The following DLGAP2 variants were observed in gnomAD, a reference collection of about 807,000 sequenced individuals.
DLGAP2 encodes the protein DLG associated protein 2.
DLGAP2 carries 26 observed loss-of-function variants against 100.3 expected under a neutral mutation model. The ratio of observed to expected loss-of-function variants is 0.26; its 90% CI spans 0.19 to 0.36. The LOEUF (loss-of-function observed/expected upper bound fraction) is 0.36, where lower values mean the gene tolerates loss of function less well. Ranked by LOEUF, DLGAP2 falls within the 10% of genes least tolerant of loss-of-function variation. The pLI is 1.00. For synonymous variants in DLGAP2, 886 were observed against 630.1 expected (o/e 1.41, Z -6.08); for missense variants, 1,858 against 1,453.2 (o/e 1.28, Z -4.53).
chr8:812,017 G>A (rs1167054280), intron 1 of DLGAP2, among the ~76,000 whole-genome samples: 3 of 152,216 alleles, frequency 2.0e-5, no homozygotes, highest in Admixed American at 6.5e-5. Flanking sequence ...TGAGGCTTCC[G>A]GACTTCTGCC....
intron 2 of DLGAP2, among the ~76,000 whole-genome samples, chr8:990,322 C>T (rs1279838319): frequency 1.3e-4 from 19 of 143,784 alleles, no homozygotes; most frequent in Admixed American, 4.8e-4. Context: ...CCCCCTGCAC[C>T]CCCATACTCG....
At chr8:1,637,354 G>A (rs920864631) in intron 8 of DLGAP2, among the ~76,000 whole-genome samples, 2 of 151,994 alleles carry the variant, frequency 1.3e-5, no homozygotes, top group Admixed American at 6.6e-5. Flanking sequence ...CTCCAAACAC[G>A]TCTTCTCCTT....
At chr8:1,303,857 G>A (rs1216734802) in intron 3 of DLGAP2, among the ~76,000 whole-genome samples, 1 of 152,214 alleles carries the variant, frequency 6.6e-6, no homozygotes, top group Non-Finnish European at 1.5e-5. Flanking sequence ...TGCAGGTCTG[G>A]ATGGCCTGCC....
intron 1 of DLGAP2, among the ~76,000 whole-genome samples, chr8:785,413 T>C (rs111885061): frequency 6.2e-4 from 74 of 120,014 alleles, no homozygotes; most frequent in East Asian, 1.9e-3. Flanking sequence ...TCCCCTCAGG[T>C]CTCTCTGAGA....
intron 3 of DLGAP2, among the ~76,000 whole-genome samples, chr8:1,438,501 C>A (rs1231755045): frequency 6.6e-6 from 1 of 152,052 alleles, no homozygotes; most frequent in Non-Finnish European, 1.5e-5. Flanking sequence ...AACCACCATA[C>A]GTATGTAAGT....
chr8:1,305,701 A>G lies in DLGAP2; in HGVS notation c.106+46818A>G, dbSNP rs553387049. On this transcript the variant is annotated intron_variant, in intron 3 of 14. Transcript: ENST00000637795. Reference sequence around the variant, plus strand: ...ATCAACCTGCTGGGACAAAAATTACACTGAAAACATACTGTGTACCACCTA... The same window carrying G: ...ATCAACCTGCTGGGACAAAAATTACGCTGAAAACATACTGTGTACCACCTA... 1.1e-3 allele frequency among the ~76,000 whole-genome samples: 167 copies of G among 152,290 alleles called. 1 individual carries two copies. Among genetic ancestry groups the G allele is most frequent in the Non-Finnish European group, 8.5e-4 (58 of 68,026 alleles).
At chr8:1,604,335 A>C (rs961260504) in intron 6 of DLGAP2, among the ~76,000 whole-genome samples, 7 of 152,206 alleles carry the variant, frequency 4.6e-5, no homozygotes, top group Admixed American at 3.9e-4. Flanking sequence ...GAAATGGACA[A>C]AATTCAGATT....
At chr8:804,547 G>T (rs1168837882) in intron 1 of DLGAP2, among the ~76,000 whole-genome samples, 1 of 152,192 alleles carries the variant, frequency 6.6e-6, no homozygotes, top group East Asian at 1.9e-4. Context: ...TTTGCTCTGT[G>T]TTCTCTAATT....
At chr8:1,148,731 CT>C (rs879856925) in intron 2 of DLGAP2, among the ~76,000 whole-genome samples, 3 of 152,064 alleles carry the variant, frequency 2.0e-5, no homozygotes, top group Admixed American at 2.0e-4. Context: ...TTCTAGTTAG[CT>C]TTTCATTATT....
chr8:1,116,493 C>T (rs1412460601), intron 2 of DLGAP2, among the ~76,000 whole-genome samples: 1 of 152,140 alleles, frequency 6.6e-6, no homozygotes, highest in Non-Finnish European at 1.5e-5. Context: ...ATTCACCTCA[C>T]ATTGAGAATG....
intron 2 of DLGAP2, among the ~76,000 whole-genome samples, chr8:1,080,521 C>A (rs969097633): frequency 1.3e-5 from 2 of 152,164 alleles, no homozygotes; most frequent in African/African-American, 2.4e-5. Context: ...ACTCATCAGG[C>A]GGAATAGGGA....
intron 2 of DLGAP2, among the ~76,000 whole-genome samples, chr8:1,121,219 C>G (rs1470179284): frequency 1.3e-5 from 2 of 150,194 alleles, no homozygotes; most frequent in Admixed American, 1.3e-4. Flanking sequence ...ACCTCCCATC[C>G]TTGTCCAGTT....
rs374210485 is a variant in DLGAP2, at chr8:863,363, T to A, written c.19-44549T>A. ...CATCACACAACAAATATTGATGACA[T>A]CCCAAATATTTAAGGTTAGCTGTCC... On this transcript the variant is annotated intron_variant, in intron 1 of 14. Transcript: ENST00000637795. Among the ~76,000 whole-genome samples, 44 of 152,296 alleles carry A rather than the reference T, an allele frequency of 2.9e-4. 1 individual carries two copies. The South Asian group carries it at 8.3e-3, about 29-fold the overall frequency.
intron 12 of DLGAP2, among the ~76,000 whole-genome samples, chr8:1,684,984 C>G (rs1378493110): frequency 6.6e-6 from 1 of 152,128 alleles, no homozygotes; most frequent in African/African-American, 2.4e-5. Flanking sequence ...GTCAGATGCA[C>G]ATTCAAGGCA....
chr8:1,649,969 A>G (rs1798126279), intron 8 of DLGAP2, among the ~76,000 whole-genome samples: 2 of 152,236 alleles, frequency 1.3e-5, no homozygotes, highest in African/African-American at 2.4e-5. Context: ...AAGGCAGCTG[A>G]AAGATCATGG....
chr8:815,375 C>T (rs114216798), intron 1 of DLGAP2, among the ~76,000 whole-genome samples: 1 of 152,158 alleles, frequency 6.6e-6, no homozygotes, highest in East Asian at 1.9e-4. Flanking sequence ...GGAGGCTTTG[C>T]CCTCATGACT....
At chr8:1,364,544 T>C (rs1271533021) in intron 3 of DLGAP2, among the ~76,000 whole-genome samples, 1 of 151,634 alleles carries the variant, frequency 6.6e-6, no homozygotes. Context: ...CCTGGAGGAC[T>C]GGGGCTGGCG....
At chr8:1,518,936 G>T (rs569466364) in intron 4 of DLGAP2, among the ~76,000 whole-genome samples, 1 of 152,300 alleles carries the variant, frequency 6.6e-6, no homozygotes, top group African/African-American at 2.4e-5. Flanking sequence ...GCGTGGCTAA[G>T]ATGAGACCAA....
At chr8:1,569,124 C>T (rs1424071930) in intron 6 of DLGAP2, among the ~76,000 whole-genome samples, 1 of 145,424 alleles carries the variant, frequency 6.9e-6, no homozygotes, top group Non-Finnish European at 1.5e-5. Context: ...TCACCAGACA[C>T]AAATCCACTC....
Sources: allele counts gnomAD v4.1 joint callset (sites outside exome capture counted in the v4.1 genomes callset), GRCh38; gene constraint gnomAD v4.1.1; transcripts MANE v1.5; gene names NCBI Gene and HGNC (gene_info 2026-07-23, HGNC 2026-07-21).